TSHZ1: variants seen among roughly 807,000 people sequenced by gnomAD.
TSHZ1 encodes teashirt homolog 1.
Under a neutral mutation model 67.1 loss-of-function variants are expected in TSHZ1, and 12 were observed. The observed-to-expected ratio is 0.18, with a 90% CI of 0.11 to 0.29. The LOEUF is 0.29. TSHZ1 is among the 10% of genes least tolerant of loss of function. The probability of loss-of-function intolerance (pLI) is 1.00; values close to 1 mark genes in which losing one functional copy is unlikely to be tolerated. For missense variants in TSHZ1, 1,305 were observed against 1,413.9 expected (o/e 0.92, Z 1.23); for synonymous variants, 632 against 622.4 (o/e 1.02, Z -0.23).
chr18:75,238,568 G>A (rs969032486), intron 1 of TSHZ1, among the ~76,000 whole-genome samples: 5 of 151,892 alleles, frequency 3.3e-5, no homozygotes, highest in African/African-American at 7.3e-5. Context: ...CTGCCTCCCC[G>A]AAGAGCCCCT....
At chr18:75,257,961 C>T (rs919873690) in intron 1 of TSHZ1, among the ~76,000 whole-genome samples, 1 of 152,146 alleles carries the variant, frequency 6.6e-6, no homozygotes, top group Non-Finnish European at 1.5e-5. Context: ...GTCACAGCCT[C>T]GTCATCAGAG....
intron 1 of TSHZ1, among the ~76,000 whole-genome samples, chr18:75,213,946 G>T (rs1412622115): frequency 6.6e-6 from 1 of 152,160 alleles, no homozygotes; most frequent in East Asian, 1.9e-4. Context: ...CCTAAAAAAT[G>T]GAGCCAAAAT....
At chr18:75,256,353 T>C (rs2023361499) in intron 1 of TSHZ1, among the ~76,000 whole-genome samples, 1 of 152,218 alleles carries the variant, frequency 6.6e-6, no homozygotes, top group Non-Finnish European at 1.5e-5. Flanking sequence ...GTGTTCTAGG[T>C]CTGGTCATAG....
chr18:75,288,525 A>G lies in TSHZ1; in HGVS notation c.3118A>G (p.Lys1040Glu). 1.2e-6 allele frequency: 2 copies of G among 1,614,240 alleles called. No individual in the cohort carries two copies. Among genetic ancestry groups the G allele is most frequent in the Non-Finnish European group, 1.7e-6 (2 of 1,180,042 alleles). ...EEDLGSTFQC[K>E]LCNRTFASKH... Reference sequence around the variant, plus strand: ...AGACTTGGGCTCCACATTCCAATGTAAGCTCTGCAACCGGACTTTTGCGAG... The same window carrying G: ...AGACTTGGGCTCCACATTCCAATGTGAGCTCTGCAACCGGACTTTTGCGAG... The change falls in exon 2 of 2, where the codon AAG becomes GAG. Residue 1040 changes from lysine to glutamate, a missense_variant. By Grantham distance (56) the Lys-to-Glu change is moderately conservative. Coordinates refer to ENST00000580243, the MANE Select transcript of TSHZ1 (RefSeq NM_001308210.2). The surrounding 1 kb of genome is among the most constrained non-coding windows in gnomAD (Gnocchi z 4.9).
At position 75,287,395 on chromosome 18, in the gene TSHZ1, A is replaced by G. The variant is rs767584895; in HGVS notation, c.1988A>G (p.Lys663Arg). The part of the protein sequence containing the change: ...KKEERPPEKE[K>R]SSLAKAASPI... Reference sequence around the variant, plus strand: ...GAGGAGAGACCCCCTGAGAAGGAGAAGAGCTCCCTGGCCAAGGCTGCGTCC... The same window carrying G: ...GAGGAGAGACCCCCTGAGAAGGAGAGGAGCTCCCTGGCCAAGGCTGCGTCC... Residue 663 changes from lysine (K) to arginine (R), a missense_variant, in exon 2 of 2, where the codon AAG (lysine) becomes AGG (arginine). Lys to Arg is a conservative substitution (Grantham distance 26). Transcript: ENST00000580243. This position sits in a 1 kb window ranked among gnomAD's most constrained non-coding sequence, Gnocchi z 5.0. 3.3e-5 allele frequency: 53 copies of G among 1,614,010 alleles called. No individual in the cohort carries two copies. The highest frequency in any genetic ancestry group is 4.4e-5 in the Non-Finnish European group (52 of 1,180,034).
rs2023765341 is a variant in TSHZ1, at chr18:75,286,448, G to C, written c.1041G>C (p.Leu347=). ...LKEPVPAITK[L]VPSTKKRALQ... ...AGCCAGTGCCAGCCATCACCAAACT[G>C]GTCCCCTCCACCAAAAAGCGGGCGC... The change falls in exon 2 of 2, where the codon CTG becomes CTC. Residue 347 remains leucine (L), a synonymous_variant. Coordinates refer to ENST00000580243, the MANE Select transcript of TSHZ1 (RefSeq NM_001308210.2). The surrounding 1 kb of genome is among the most constrained non-coding windows in gnomAD (Gnocchi z 5.1). 6.2e-7 allele frequency: 1 copy of C among 1,614,196 alleles called. No individual in the cohort carries two copies. Among genetic ancestry groups the C allele is most frequent in the Non-Finnish European group, 8.5e-7 (1 of 1,180,032 alleles).
chr18:75,225,357 C>T (rs758190642), intron 1 of TSHZ1, among the ~76,000 whole-genome samples: 4 of 152,200 alleles, frequency 2.6e-5, no homozygotes, highest in Non-Finnish European at 4.4e-5. Context: ...GTGAGTGAGG[C>T]CTGGCGGTAG....
At chr18:75,274,238 TGG>T (rs2023589693) in intron 1 of TSHZ1, among the ~76,000 whole-genome samples, 1 of 152,130 alleles carries the variant, frequency 6.6e-6, no homozygotes, top group African/African-American at 2.4e-5. Flanking sequence ...TTTTATTTGA[TGG>T]GGAAAAATGT....
At position 75,281,041 on chromosome 18, in the gene TSHZ1, C is replaced by T. The variant is rs1248424689; in HGVS notation, c.41-4407C>T. Among the ~76,000 whole-genome samples, 1 of 152,220 alleles carries T rather than the reference C, an allele frequency of 6.6e-6. No homozygotes were observed. The highest frequency in any genetic ancestry group is 1.5e-5 in the Non-Finnish European group (1 of 68,038). ...CGGGCTGGGCACAGAGGGCTGGGCA[C>T]AGGCGGGGCAGCGGTGAGGGTCCAG... On this transcript the variant is annotated intron_variant, in intron 1 of 1. Transcript: ENST00000580243. This position sits in a 1 kb window ranked among gnomAD's most constrained non-coding sequence, Gnocchi z 5.3.
At chr18:75,249,384 C>T (rs1238409672) in intron 1 of TSHZ1, among the ~76,000 whole-genome samples, 5 of 151,882 alleles carry the variant, frequency 3.3e-5, no homozygotes, top group Non-Finnish European at 1.5e-5. Context: ...CCCTGCCCTA[C>T]CCCTGCAGTA....
chr18:75,287,012 C>T lies in TSHZ1; in HGVS notation c.1605C>T (p.Tyr535=). 1.2e-6 allele frequency: 2 copies of T among 1,614,014 alleles called. No individual in the cohort carries two copies. Among genetic ancestry groups the T allele is most frequent in the East Asian group, 2.2e-5 (1 of 44,880 alleles). The change falls in exon 2 of 2, where the codon TAC becomes TAT. Residue 535 remains tyrosine, a synonymous_variant. Coordinates refer to ENST00000580243, the MANE Select transcript of TSHZ1 (RefSeq NM_001308210.2). The surrounding 1 kb of genome is among the most constrained non-coding windows in gnomAD (Gnocchi z 5.0). ...TTGAGCCCAGCACCCTGTACCCGTA[C>T]CTGCGTGAGGAGGACCTGGACGACA... ...EKFEPSTLYP[Y]LREEDLDDSP... is the part of the protein sequence containing the mutation.
chr18:75,217,856 A>G (rs2022792317), intron 1 of TSHZ1, among the ~76,000 whole-genome samples: 1 of 152,194 alleles, frequency 6.6e-6, no homozygotes, highest in Non-Finnish European at 1.5e-5. Flanking sequence ...AAGAGAATGG[A>G]TATTGGGTCG....
At chr18:75,249,643 C>T (rs1327902797) in intron 1 of TSHZ1, among the ~76,000 whole-genome samples, 1 of 147,072 alleles carries the variant, frequency 6.8e-6, no homozygotes, top group Non-Finnish European at 1.5e-5. Context: ...CTTCCTCCTC[C>T]TCAACTCACC....
Position 75,288,414 on chromosome 18 carries a change from C to G in TSHZ1, c.3007C>G (p.Leu1003Val), listed in dbSNP as rs1163329186. 1.2e-6 allele frequency: 2 copies of G among 1,614,242 alleles called. No homozygotes were observed. Among genetic ancestry groups the G allele is most frequent in the East Asian group, 2.2e-5 (1 of 44,884 alleles). The change falls in exon 2 of 2, where the codon CTG becomes GTG. Residue 1003 changes from leucine to valine, a missense_variant. Physicochemically the swap from Leu to Val is conservative, Grantham distance 32 (BLOSUM62 1). This residue lies in a region of TSHZ1 where 909 missense variants were observed against 961.8 expected (regional missense o/e 0.95). Transcript: ENST00000580243. This position sits in a 1 kb window ranked among gnomAD's most constrained non-coding sequence, Gnocchi z 4.9. ...CTTCAGCCTGAAGGATCTCTCCAAG[C>G]TGCCACTCAATCAGATTCAAGAACA... ...LGFSLKDLSK[L>V]PLNQIQEQQN...
At chr18:75,258,678 A>G (rs1391918832) in intron 1 of TSHZ1, among the ~76,000 whole-genome samples, 5 of 152,272 alleles carry the variant, frequency 3.3e-5, no homozygotes, top group African/African-American at 9.6e-5. Context: ...TTTCTATTCT[A>G]TTTTATTAAA....
chr18:75,235,636 G>A (rs937537576), intron 1 of TSHZ1, among the ~76,000 whole-genome samples: 1 of 152,106 alleles, frequency 6.6e-6, no homozygotes, highest in African/African-American at 2.4e-5. Flanking sequence ...CGGTGTAGCA[G>A]GAGTATTTTG....
intron 1 of TSHZ1, among the ~76,000 whole-genome samples, chr18:75,235,619 G>C (rs1205520851): frequency 6.6e-6 from 1 of 152,186 alleles, no homozygotes; most frequent in East Asian, 1.9e-4. Flanking sequence ...TAAGGTAATG[G>C]AGCTCACGGT....
intron 1 of TSHZ1, among the ~76,000 whole-genome samples, chr18:75,229,980 T>C (rs1010263184): frequency 1.3e-5 from 2 of 152,214 alleles, no homozygotes; most frequent in African/African-American, 4.8e-5. Flanking sequence ...ATGGTGGTGA[T>C]ACTGGGTATT....
intron 1 of TSHZ1, among the ~76,000 whole-genome samples, chr18:75,246,659 G>A (rs1451070353): frequency 6.6e-6 from 1 of 152,048 alleles, no homozygotes; most frequent in African/African-American, 2.4e-5. Flanking sequence ...AGGGGTGATG[G>A]CTTCAGTTCT....
Sources: allele counts gnomAD v4.1 joint callset (sites outside exome capture counted in the v4.1 genomes callset), GRCh38; gene constraint gnomAD v4.1.1; regional missense constraint gnomAD v4.1.1; non-coding constraint Gnocchi (gnomAD v3.1); transcripts MANE v1.5; gene names NCBI Gene and HGNC (gene_info 2026-07-23, HGNC 2026-07-21).